Variants in ARRDC2 observed in about 807,000 individuals in gnomAD.
ARRDC2 encodes arrestin domain-containing protein 2.
A neutral mutation model predicts 38.9 loss-of-function variants in ARRDC2; 39 were observed. The ratio of observed to expected loss-of-function variants is 1.00; its 90% CI spans 0.78 to 1.31. ARRDC2 has a LOEUF of 1.31. ARRDC2 is among the 50% of genes most tolerant of loss of function. ARRDC2 has a pLI of 0.00. For missense variants in ARRDC2, 553 were observed against 588.4 expected (o/e 0.94, Z 0.62); for synonymous variants, 300 against 261.9 (o/e 1.15, Z -1.41).
At chr19:18,010,074 T>G (rs2033381433) in intron 5 of ARRDC2, 35 bp downstream of exon 5, 1 of 1,604,916 alleles carries the variant, frequency 6.2e-7, no homozygotes, top group Non-Finnish European at 8.5e-7. Context: ...GGACAGTGCC[T>G]ACATTCACCC....
chr19:18,012,299 C>T (rs570348361), intron 7 of ARRDC2, among the ~76,000 whole-genome samples: 24 of 150,836 alleles, frequency 1.6e-4, no homozygotes, highest in African/African-American at 5.6e-4. Flanking sequence ...TTAAAGTACA[C>T]GGGAGGGCTG....
chr19:18,005,520 G>A (rs1443998891), upstream of ARRDC2, among the ~76,000 whole-genome samples: 5 of 144,830 alleles, frequency 3.5e-5, no homozygotes, highest in East Asian at 7.8e-4. Context: ...CCTCCCAGAC[G>A]GGGTGGTGGC....
At chr19:18,010,130 G>A (rs533928890) in intron 5 of ARRDC2, 66 bp from the exon 6 acceptor site, 2 of 1,607,060 alleles carry the variant, frequency 1.2e-6, no homozygotes, top group African/African-American at 2.7e-5. Flanking sequence ...GTCTCCCCAG[G>A]CATAGGAGGG....
chr19:18,011,919 T>C (rs1163453132), intron 7 of ARRDC2, among the ~76,000 whole-genome samples: 1 of 138,114 alleles, frequency 7.2e-6, no homozygotes, highest in African/African-American at 2.8e-5. Context: ...ATTTATATTT[T>C]GTGTGTGTAT....
At position 18,009,115 on chromosome 19, in the gene ARRDC2, G is replaced by A; in HGVS notation, c.486G>A (p.Leu162=). ...CTGTGGACATCAACACGCCAGCCCT[G>A]CTGGTGAGTGGCCACCCTTGGGGAG... ...IEPVDINTPA[L]LAPQAGAREK... Residue 162 remains leucine (L), a synonymous_variant, in exon 3 of 8, where the codon CTG becomes CTA. Transcript: ENST00000222250. The A allele has an allele frequency of 6.2e-7, 1 of 1,613,474 alleles. No individual in the cohort carries two copies. Among genetic ancestry groups the A allele is most frequent in the South Asian group, 1.1e-5 (1 of 91,084 alleles).
At position 18,014,016 on chromosome 19, in the gene ARRDC2, G is replaced by A. The variant is rs2033463103; in HGVS notation, c.*1050G>A. ...CAGCCCTGGCTGGGGCAGGGCCCCG[G>A]CCTGGGACTCAGCATTTCTGATATG... On this transcript the variant is annotated 3_prime_UTR_variant, in exon 8 of 8. Coordinates refer to ENST00000222250, the MANE Select transcript of ARRDC2 (RefSeq NM_015683.2). The A allele has an allele frequency of 1.3e-5, 2 of 152,022 alleles. 1 individual carries two copies. Among genetic ancestry groups the A allele is most frequent in the South Asian group, 4.1e-4 (2 of 4,820 alleles). 9.4% of individuals were successfully genotyped at this position (152,022 alleles called of 1,614,324 possible).
In ARRDC2 at chr19:18,010,622, G is replaced by A; in HGVS notation, c.1063G>A (p.Gly355Arg). Reference sequence around the variant, plus strand: ...AGCCGACACTGAGGAGGCAGCCTTGGGGCAGAGCCCCTTCCCGCTTCCGCA... The same window carrying A: ...AGCCGACACTGAGGAGGCAGCCTTGAGGCAGAGCCCCTTCCCGCTTCCGCA... The part of the protein sequence containing the change: ...VVADTEEAAL[G>R]QSPFPLPQDP... Residue 355 changes from glycine to arginine, a missense_variant, in exon 7 of 8, where the codon GGG becomes AGG. By Grantham distance (125) the Gly-to-Arg change is moderately radical. This residue lies in a region of ARRDC2 where 100 missense variants were observed against 107.6 expected (regional missense o/e 0.93). Transcript: ENST00000222250. 1 of 1,613,848 alleles carries A rather than the reference G, an allele frequency of 6.2e-7. No homozygotes were observed. The highest frequency in any genetic ancestry group is 8.5e-7 in the Non-Finnish European group (1 of 1,180,004).
chr19:18,005,309 A>G (rs1313921767), upstream of ARRDC2, among the ~76,000 whole-genome samples: 2 of 152,130 alleles, frequency 1.3e-5, no homozygotes, highest in Non-Finnish European at 2.9e-5. Context: ...GGTTGGGGGT[A>G]GGGTCACCGA....
At chr19:18,003,580 C>T (rs1299771018), upstream of ARRDC2, among the ~76,000 whole-genome samples, 1 of 151,944 alleles carries the variant, frequency 6.6e-6, no homozygotes, top group East Asian at 1.9e-4. Context: ...CCTGCCTCAG[C>T]CTCCCGAGTA....
Sources: gnomAD v4.1 joint callset for allele counts (sites outside exome capture counted in the v4.1 genomes callset) on GRCh38, gnomAD v4.1.1 for gene constraint, gnomAD v4.1.1 regional missense constraint, MANE v1.5 for transcripts, NCBI Gene and HGNC (gene_info 2026-07-23, HGNC 2026-07-21) for gene names.